Variants in HYCC2 observed in about 807,000 individuals in gnomAD.
The protein encoded by HYCC2 is hyccin PI4KA lipid kinase complex subunit 2, also known as hyccin 2.
chr2:201,056,120 G>C, the HYCC2 span, among the ~76,000 whole-genome samples: 1 of 152,008 alleles, frequency 6.6e-6, no homozygotes, highest in Non-Finnish European at 1.5e-5. Context: ...CATGAACCTG[G>C]GAGGTGGAGC....
At chr2:201,013,223 C>T in the HYCC2 span, among the ~76,000 whole-genome samples, 2 of 151,772 alleles carry the variant, frequency 1.3e-5, no homozygotes, top group Non-Finnish European at 2.9e-5. Context: ...AATCCCAGCA[C>T]TTTGGGAGGC....
chr2:201,022,816 C>A, the HYCC2 span: 1 of 1,466,198 alleles, frequency 6.8e-7, no homozygotes, highest in Non-Finnish European at 9.5e-7. Flanking sequence ...AATTATTTTT[C>A]TTGAGGTCTC....
the HYCC2 span, chr2:200,996,311 C>G: frequency 2.6e-5 from 4 of 152,138 alleles, no homozygotes; most frequent in Non-Finnish European, 5.9e-5. Context: ...GGGCCACTGA[C>G]CCTGGCCTAC....
chr2:200,992,913 T>G, the HYCC2 span: 1 of 1,611,684 alleles, frequency 6.2e-7, no homozygotes, highest in African/African-American at 1.3e-5. Flanking sequence ...CTGTGAGAAG[T>G]TGCACCATAA....
At chr2:201,053,526 C>A in the HYCC2 span, among the ~76,000 whole-genome samples, 11 of 152,326 alleles carry the variant, frequency 7.2e-5, no homozygotes, top group Non-Finnish European at 1.5e-4. Context: ...TAAAATCTAG[C>A]AGCCATGTGA....
At chr2:201,023,000 A>G in the HYCC2 span, 2 of 1,026,766 alleles carry the variant, frequency 1.9e-6, no homozygotes, top group Non-Finnish European at 3.0e-6. Flanking sequence ...TTTTACACAA[A>G]TAGTTCTTGA....
the HYCC2 span, among the ~76,000 whole-genome samples, chr2:201,049,543 C>T: frequency 5.3e-5 from 8 of 150,354 alleles, no homozygotes; most frequent in African/African-American, 2.0e-4. Context: ...TTAGTAGAGA[C>T]GGGGTTTCAC....
At chr2:201,071,602 C>T in the HYCC2 span, 1 of 153,088 alleles carries the variant, frequency 6.5e-6, no homozygotes, top group Non-Finnish European at 1.5e-5. Context: ...GACAGCACCG[C>T]CGCCTACCTG....
the HYCC2 span, among the ~76,000 whole-genome samples, chr2:201,002,850 C>T: frequency 3.3e-5 from 5 of 152,066 alleles, no homozygotes; most frequent in African/African-American, 4.8e-5. Context: ...TAACAATTCA[C>T]TGCTAGGAAT....
chr2:200,997,250 A>G, the HYCC2 span: 1 of 462,964 alleles, frequency 2.2e-6, no homozygotes, highest in South Asian at 2.7e-5. Flanking sequence ...GAGAAATCCT[A>G]TCTCATAAAA....
the HYCC2 span, among the ~76,000 whole-genome samples, chr2:201,064,486 G>A: frequency 2.0e-5 from 3 of 151,948 alleles, no homozygotes; most frequent in African/African-American, 7.3e-5. Flanking sequence ...GGTTCTATTT[G>A]GAATTTATAT....
chr2:201,068,262 G>A, the HYCC2 span, among the ~76,000 whole-genome samples: 40 of 151,742 alleles, frequency 2.6e-4, no homozygotes, highest in Admixed American at 2.4e-3. Context: ...ACTCCAGCCA[G>A]GGCAACAAAA....
chr2:201,030,913 G>C, the HYCC2 span, among the ~76,000 whole-genome samples: 2 of 152,044 alleles, frequency 1.3e-5, no homozygotes, highest in Non-Finnish European at 2.9e-5. Flanking sequence ...AAAACTGTAA[G>C]CACAAACCCT....
chr2:201,028,374 A>G, the HYCC2 span, among the ~76,000 whole-genome samples: 1 of 152,180 alleles, frequency 6.6e-6, no homozygotes, highest in African/African-American at 2.4e-5. Flanking sequence ...TATTGTGAAA[A>G]TGGCCATACT....
chr2:201,009,945 T>C, the HYCC2 span, among the ~76,000 whole-genome samples: 2 of 151,176 alleles, frequency 1.3e-5, no homozygotes, highest in African/African-American at 2.4e-5. Flanking sequence ...GCACTAAAAA[T>C]ACAAAAAAAT....
chr2:201,013,136 G>A, the HYCC2 span, among the ~76,000 whole-genome samples: 2 of 151,922 alleles, frequency 1.3e-5, no homozygotes, highest in African/African-American at 4.8e-5. Context: ...GACCTATATG[G>A]TAAGTAGTCA....
chr2:201,068,211 C>T, the HYCC2 span, among the ~76,000 whole-genome samples: 364 of 151,998 alleles, frequency 2.4e-3, 1 homozygote, highest in African/African-American at 8.1e-3. Context: ...GGCTTGAACC[C>T]GGGAGGCAGA....
At chr2:201,039,217 GT>G in the HYCC2 span, among the ~76,000 whole-genome samples, 1 of 151,964 alleles carries the variant, frequency 6.6e-6, no homozygotes, top group African/African-American at 2.4e-5. Flanking sequence ...TGTAATTAAC[GT>G]TATTTGTTTA....
the HYCC2 span, among the ~76,000 whole-genome samples, chr2:201,026,875 A>C: frequency 6.6e-6 from 1 of 152,254 alleles, no homozygotes; most frequent in African/African-American, 2.4e-5. Flanking sequence ...AAGACCTAAA[A>C]TTGACACCCT....
Sources: gnomAD v4.1 joint callset for allele counts (sites outside exome capture counted in the v4.1 genomes callset) on GRCh38, gnomAD v4.1.1 for gene constraint, MANE v1.5 for transcripts, NCBI Gene and HGNC (gene_info 2026-07-23, HGNC 2026-07-21) for gene names.